IL1RAPL2: variants seen among roughly 807,000 people sequenced by gnomAD.
The protein encoded by IL1RAPL2 is X-linked interleukin-1 receptor accessory protein-like 2.
A neutral mutation model predicts 44.1 loss-of-function variants in IL1RAPL2; 3 were observed. The ratio of observed to expected loss-of-function variants is 0.07; its 90% CI spans 0.03 to 0.18. The LOEUF is 0.18. Among genes scored for constraint, IL1RAPL2 ranks in the 10% least tolerant of loss-of-function variants. IL1RAPL2 has a pLI of 1.00. For missense variants in IL1RAPL2, 391 were observed against 496.4 expected (o/e 0.79, Z 2.02); for synonymous variants, 181 against 178.8 (o/e 1.01, Z -0.10).
chrX:105,083,123 TG>T (rs2032435204), intron 2 of IL1RAPL2, among the ~76,000 whole-genome samples: 1 of 110,617 alleles, frequency 9.0e-6, no homozygotes, highest in Non-Finnish European at 1.9e-5. Flanking sequence ...CTGATGGAGC[TG>T]AAAAACACAG....
At chrX:104,757,432 T>C (rs1932358688) in intron 2 of IL1RAPL2, among the ~76,000 whole-genome samples, 1 of 111,449 alleles carries the variant, frequency 9.0e-6, no homozygotes, top group Non-Finnish European at 1.9e-5. Context: ...GCTTTAAATG[T>C]ATGAGTCTGG....
chrX:105,400,045 A>G (rs957326848), intron 5 of IL1RAPL2, among the ~76,000 whole-genome samples: 12 of 111,764 alleles, frequency 1.1e-4, no homozygotes, highest in Admixed American at 8.6e-4. Context: ...CCCAGGCAGC[A>G]GAAGGGAGAG....
intron 2 of IL1RAPL2, among the ~76,000 whole-genome samples, chrX:105,168,449 G>GTGTGTA (rs1401935684): frequency 1.9e-5 from 2 of 105,420 alleles, no homozygotes; most frequent in African/African-American, 6.9e-5. Flanking sequence ...GTGTGTGTGT[G>GTGTGTA]TGTGCACGTG....
rs1325589263 is a variant in IL1RAPL2 at position 104,795,675 on chromosome X, G to A, written c.82+136680G>A. Among the ~76,000 whole-genome samples, 4 of 111,083 alleles carry A rather than the reference G, an allele frequency of 3.6e-5. No homozygotes were observed. The Admixed American group carries it at 3.8e-4, about 11-fold the overall frequency. On this transcript the variant is annotated intron_variant, in intron 2 of 10. Coordinates refer to ENST00000372582, the MANE Select transcript of IL1RAPL2 (RefSeq NM_017416.2). ...GTGATGAGGTATGTATAAGTTTGCCGTAAAATTATTTTTGTTACACTGGGG... is the reference window on the plus strand; with the variant it reads ...GTGATGAGGTATGTATAAGTTTGCCATAAAATTATTTTTGTTACACTGGGG...
At chrX:105,530,552 G>T (rs2036626261) in intron 6 of IL1RAPL2, among the ~76,000 whole-genome samples, 1 of 111,162 alleles carries the variant, frequency 9.0e-6, no homozygotes, top group African/African-American at 3.3e-5. Context: ...ATAATGGGTT[G>T]TCCATTTCCT....
chrX:105,198,484 A>G (rs1218057087), intron 3 of IL1RAPL2, among the ~76,000 whole-genome samples: 2 of 112,438 alleles, frequency 1.8e-5, no homozygotes, highest in Non-Finnish European at 3.8e-5. Flanking sequence ...AAGATAATAT[A>G]GAGTTCCTGT....
At chrX:105,409,845 T>C (rs113396061) in intron 5 of IL1RAPL2, among the ~76,000 whole-genome samples, 22 of 85,979 alleles carry the variant, frequency 2.6e-4, no homozygotes, top group South Asian at 6.7e-4. Flanking sequence ...GATAGATAGA[T>C]AGACAGACAG....
chrX:105,309,786 G>A (rs1439484057), intron 5 of IL1RAPL2, among the ~76,000 whole-genome samples: 6 of 110,707 alleles, frequency 5.4e-5, no homozygotes, highest in African/African-American at 1.6e-4. Context: ...TTATTGGATT[G>A]CAAGAAATCT....
chrX:105,357,392 A>G (rs1267722359), intron 5 of IL1RAPL2, among the ~76,000 whole-genome samples: 1 of 112,026 alleles, frequency 8.9e-6, no homozygotes, highest in Non-Finnish European at 1.9e-5. Context: ...TATTATAATT[A>G]TCACTACCAT....
chrX:104,996,930 T>C (rs750886023), intron 2 of IL1RAPL2, among the ~76,000 whole-genome samples: 19 of 111,495 alleles, frequency 1.7e-4, no homozygotes, highest in Admixed American at 1.1e-3. Context: ...CCCAGGAAGA[T>C]GTAGCATCAA....
intron 1 of IL1RAPL2, among the ~76,000 whole-genome samples, chrX:104,633,191 C>G (rs1476849636): frequency 9.0e-6 from 1 of 111,557 alleles, no homozygotes; most frequent in African/African-American, 3.3e-5. Flanking sequence ...GGGATGAAGT[C>G]CACTTGATCA....
chrX:105,104,970 A>G (rs979648563), intron 2 of IL1RAPL2, among the ~76,000 whole-genome samples: 8 of 112,057 alleles, frequency 7.1e-5, no homozygotes, highest in Non-Finnish European at 1.3e-4. Context: ...GTTTTCTCCA[A>G]GTACATTGAA....
intron 5 of IL1RAPL2, among the ~76,000 whole-genome samples, chrX:105,448,718 G>A (rs2035995494): frequency 9.0e-6 from 1 of 110,655 alleles, no homozygotes; most frequent in Non-Finnish European, 1.9e-5. Context: ...TCTAGATCCT[G>A]TAGGTGTGCT....
At chrX:105,593,600 C>A (rs181882958) in intron 6 of IL1RAPL2, among the ~76,000 whole-genome samples, 1 of 109,688 alleles carries the variant, frequency 9.1e-6, no homozygotes, top group Admixed American at 9.7e-5. Flanking sequence ...ATTTTTTTTT[C>A]GCTTTTATAT....
At chrX:105,220,332 G>A (rs781800251) in intron 3 of IL1RAPL2, 2 of 1,205,955 alleles carry the variant, frequency 1.7e-6, no homozygotes, top group Admixed American at 2.2e-5. Flanking sequence ...CCATTTTCTC[G>A]TTGATGAAGG....
intron 2 of IL1RAPL2, among the ~76,000 whole-genome samples, chrX:105,025,296 G>A (rs2147748497): frequency 9.0e-6 from 1 of 111,019 alleles, no homozygotes; most frequent in African/African-American, 3.3e-5. Flanking sequence ...ACTACTTATT[G>A]GGCAACCATG....
chrX:105,685,129 A>T (rs1226536977), intron 6 of IL1RAPL2, among the ~76,000 whole-genome samples: 1 of 112,137 alleles, frequency 8.9e-6, no homozygotes, highest in Non-Finnish European at 1.9e-5. Flanking sequence ...AAAATTCAAA[A>T]AATCAGAGCG....
Position 105,175,824 on chromosome X carries a change from TATTA to T in IL1RAPL2, c.83-19645_83-19642del, listed in dbSNP as rs748371562. Reference sequence around the variant, plus strand: ...TTATTAACTATATTTATTAGTAAATTATTAATTAAAACTGTGCTGTACTTACTGT... The same window carrying T: ...TTATTAACTATATTTATTAGTAAATTATTAAAACTGTGCTGTACTTACTGT... On this transcript the variant is annotated intron_variant, in intron 2 of 10. Transcript: ENST00000372582. Among the ~76,000 whole-genome samples the T allele has an allele frequency of 1.2e-4, 13 of 111,208 alleles. No homozygotes were observed. The South Asian group carries it at 1.5e-3, about 13-fold the overall frequency.
intron 2 of IL1RAPL2, among the ~76,000 whole-genome samples, chrX:105,155,919 G>A (rs914932338): frequency 1.8e-5 from 2 of 111,211 alleles, no homozygotes; most frequent in Non-Finnish European, 3.8e-5. Flanking sequence ...AAGAGTACTT[G>A]TCCCAACGGA....
Sources: gnomAD v4.1 joint callset for allele counts (sites outside exome capture counted in the v4.1 genomes callset) on GRCh38, gnomAD v4.1.1 for gene constraint, MANE v1.5 for transcripts, NCBI Gene and HGNC (gene_info 2026-07-23, HGNC 2026-07-21) for gene names.